The following CCDC27 variants were observed in gnomAD, a reference collection of about 807,000 sequenced individuals.
CCDC27 encodes coiled-coil domain-containing protein 27.
CCDC27 carries 80 observed loss-of-function variants against 80.3 expected under a neutral mutation model. The ratio of observed to expected loss-of-function variants is 1.00; its 90% CI spans 0.83 to 1.20. CCDC27 has a LOEUF of 1.20. Ranked by LOEUF, CCDC27 falls within the 50% of genes most tolerant of loss-of-function variation. The pLI, the probability that CCDC27 is intolerant of heterozygous loss-of-function variation, is 0.00. For missense variants in CCDC27, 815 were observed against 809.4 expected, an observed-to-expected ratio of 1.01 and a Z score of -0.08; for synonymous variants, 342 against 334.3, an observed-to-expected ratio of 1.02 and a Z score of -0.25.
rs748892044 is a variant in CCDC27 at position 3,756,885 on chromosome 1, G to A, written c.706G>A (p.Glu236Lys). 1.5e-5 allele frequency: 24 copies of A among 1,611,958 alleles called. No homozygotes were observed. Among genetic ancestry groups the A allele is most frequent in the Non-Finnish European group, 1.8e-5 (21 of 1,179,190 alleles). The change falls in exon 4 of 12, where the codon GAG becomes AAG. Residue 236 changes from glutamate to lysine, a missense_variant. By Grantham distance (56) the Glu-to-Lys change is moderately conservative (BLOSUM62 1). Transcript: ENST00000294600. ...RMPWYLSVIH[E>K]KDHCLSELEI... ...GCCCTGGTACCTCTCAGTCATCCAC[G>A]AGAAGGTACTGGCGGAGGGGGTGCA...
In CCDC27 at chr1:3,754,134, C is replaced by T; in HGVS notation, c.335C>T (p.Ala112Val). The change falls in exon 2 of 12, where the codon GCC (alanine) becomes GTC (valine). Residue 112 changes from alanine to valine, a missense_variant. Physicochemically the swap from Ala to Val is moderately conservative, Grantham distance 64 (BLOSUM62 0). Coordinates refer to ENST00000294600, the MANE Select transcript of CCDC27 (RefSeq NM_152492.3). ...YYRKTSEPKD[A>V]ASLTGFMSKM... ...CTCTGCCAGAGTGAACCCAAGGATG[C>T]CGCCAGCCTCACCGGCTTCATGTCC... 7 of 1,613,450 alleles carry T rather than the reference C, an allele frequency of 4.3e-6. No individual in the cohort carries two copies. Among genetic ancestry groups the T allele is most frequent in the Non-Finnish European group, 5.9e-6 (7 of 1,179,754 alleles).
rs765124033 is a variant in CCDC27, at chr1:3,763,276, G to A, written c.1123G>A (p.Glu375Lys). Residue 375 changes from glutamate to lysine, a missense_variant, in exon 7 of 12, where the codon GAG becomes AAG. Coordinates refer to ENST00000294600, the MANE Select transcript of CCDC27 (RefSeq NM_152492.3). This position sits in a 1 kb window ranked among gnomAD's most constrained non-coding sequence, Gnocchi z 7.5. The stretch of plus-strand genomic sequence containing the variant: ...TGAGGAGGGAAGCGAGGAGGAGGAA[G>A]AGGAGGAAGGGGACAGGGATGAGGA... ...VHEEGSEEEE[E>K]EEGDRDEDSE... The A allele has an allele frequency of 1.3e-6, 2 of 1,591,280 alleles. No homozygotes were observed. The highest frequency in any genetic ancestry group is 2.3e-5 in the East Asian group (1 of 44,040).
rs1642932905 is a variant in CCDC27, at chr1:3,755,569, T to C, written c.553+2T>C. On this transcript the variant is annotated splice_donor_variant, in intron 3 of 11. Transcript: ENST00000294600. LOFTEE classifies it high-confidence loss of function. ...GGGGCTCAGACACGAACGTGGACGG[T>C]GAGGGAGCCCCTAGGGCCTCTGCCT... is the stretch of plus-strand genomic sequence containing the variant. The C allele has an allele frequency of 6.2e-7, 1 of 1,612,698 alleles. No homozygotes were observed. Among genetic ancestry groups the C allele is most frequent in the Non-Finnish European group, 8.5e-7 (1 of 1,179,028 alleles).
chr1:3,769,983 T>C lies in CCDC27; in HGVS notation c.1848+96T>C. 2.3e-6 allele frequency: 2 copies of C among 858,762 alleles called. No homozygotes were observed. Among genetic ancestry groups the C allele is most frequent in the Non-Finnish European group, 4.0e-6 (2 of 502,404 alleles). The allele number at this position is 858,762 out of a possible 1,614,324, so 53.2% of individuals were successfully genotyped here. A position where few individuals can be genotyped will look rare whatever the true frequency, so the allele number is the denominator to read the frequency against. ...TGGGGGGCCTAGATTCCAGGGACTC[T>C]GTTCTCATCCTACCTGTGTCACCTA... On this transcript the variant is annotated intron_variant, in intron 11 of 11. Coordinates refer to ENST00000294600, the MANE Select transcript of CCDC27 (RefSeq NM_152492.3). This position sits in a 1 kb window ranked among gnomAD's most constrained non-coding sequence, Gnocchi z 4.6.
intron 11 of CCDC27, 108 bp from the exon 12 acceptor site, chr1:3,771,293 G>C: frequency 7.3e-7 from 1 of 1,374,184 alleles, no homozygotes; most frequent in South Asian, 1.3e-5. Flanking sequence ...CTCTGGAGGA[G>C]GAGGAGAGGG....
rs1471057139 is a variant in CCDC27, at chr1:3,757,985, G to A, written c.711+1095G>A. On this transcript the variant is annotated intron_variant, in intron 4 of 11. Transcript: ENST00000294600. ...GCCCAGGCAGGTCTCGAACTCCTGGGCTCAAGTGATCCACTCGCCTTGGCC... is the reference window on the plus strand; with the variant it reads ...GCCCAGGCAGGTCTCGAACTCCTGGACTCAAGTGATCCACTCGCCTTGGCC... 2.0e-5 allele frequency among the ~76,000 whole-genome samples: 3 copies of A among 151,988 alleles called. No homozygotes were observed. The East Asian group carries it at 5.8e-4, about 30-fold the overall frequency.
Position 3,769,679 on chromosome 1 carries a change from G to A in CCDC27, c.1744-104G>A. The stretch of plus-strand genomic sequence containing the variant: ...AAGCCATGAAAAGTGAGGGTGAGCT[G>A]TTCCTTCCTGGTACATAAAAAATAA... On this transcript the variant is annotated intron_variant, in intron 10 of 11. Transcript: ENST00000294600. This position sits in a 1 kb window ranked among gnomAD's most constrained non-coding sequence, Gnocchi z 4.6. 1.3e-6 allele frequency: 1 copy of A among 782,338 alleles called. No individual in the cohort carries two copies. The highest frequency in any genetic ancestry group is 1.7e-5 in the African/African-American group (1 of 59,210). 48.5% of individuals were successfully genotyped at this position (782,338 alleles called of 1,614,324 possible).
chr1:3,759,565 C>A (rs924994838), intron 4 of CCDC27, among the ~76,000 whole-genome samples: 2 of 152,170 alleles, frequency 1.3e-5, no homozygotes, highest in Non-Finnish European at 2.9e-5. Context: ...TCTTTCTCTG[C>A]ATTCTTTTGA....
At chr1:3,767,142 G>A (rs1335582503) in intron 9 of CCDC27, 91 bp from the exon 10 acceptor site, 23 of 1,225,650 alleles carry the variant, frequency 1.9e-5, no homozygotes, top group Admixed American at 8.0e-5. Context: ...CCTGGCCGCC[G>A]GCCATCTTTT....
At chr1:3,755,892 C>T (rs369794416) in intron 3 of CCDC27, 20 of 285,414 alleles carry the variant, frequency 7.0e-5, no homozygotes, top group African/African-American at 1.3e-4. Flanking sequence ...ACACTGCTCC[C>T]GCAGACAGGT....
At chr1:3,764,799 G>C (rs1045185454) in intron 8 of CCDC27, among the ~76,000 whole-genome samples, 11 of 152,260 alleles carry the variant, frequency 7.2e-5, no homozygotes, top group Non-Finnish European at 1.5e-4. Flanking sequence ...ACTTTGGGAG[G>C]CTGAGGCAGG....
At chr1:3,767,506 C>T in intron 10 of CCDC27, 61 bp downstream of exon 10, 1 of 1,448,512 alleles carries the variant, frequency 6.9e-7, no homozygotes, top group South Asian at 1.3e-5. Context: ...GCACCCAGGC[C>T]TCTGCCCACC....
In CCDC27 at chr1:3,754,173, G is replaced by A. The variant is rs370107628; in HGVS notation, c.374G>A (p.Arg125Gln). ...LTGFMSKMEL[R>Q]RVFPTHPDCP... Reference sequence around the variant, plus strand: ...GGCTTCATGTCCAAAATGGAACTTCGAAGGGTCTTCCCCACGCATCCTGAC... The same window carrying A: ...GGCTTCATGTCCAAAATGGAACTTCAAAGGGTCTTCCCCACGCATCCTGAC... Residue 125 changes from arginine to glutamine, a missense_variant, in exon 2 of 12, where the codon CGA becomes CAA. Transcript: ENST00000294600. 1.4e-5 allele frequency: 23 copies of A among 1,613,654 alleles called. No homozygotes were observed. The African/African-American group carries it at 1.7e-4, about 12-fold the overall frequency.
chr1:3,771,573 G>A lies in CCDC27; in HGVS notation c.*50G>A. ...TCAGCCCAGCAGAGGCCGGGGCCCA[G>A]CTCCAGAACCACCCGCCCCCACCAT... On this transcript the variant is annotated 3_prime_UTR_variant, in exon 12 of 12. Coordinates refer to ENST00000294600, the MANE Select transcript of CCDC27 (RefSeq NM_152492.3). 6.2e-7 allele frequency: 1 copy of A among 1,600,042 alleles called. No homozygotes were observed.
At chr1:3,757,577 G>A (rs1011714604) in intron 4 of CCDC27, among the ~76,000 whole-genome samples, 2 of 151,870 alleles carry the variant, frequency 1.3e-5, no homozygotes, top group African/African-American at 4.8e-5. Context: ...AAGCAGCTGG[G>A]ACTACAGGTG....
chr1:3,763,724 A>C lies in CCDC27; in HGVS notation c.1340A>C (p.Gln447Pro). Residue 447 changes from glutamine to proline, a missense_variant, in exon 8 of 12, where the codon CAA (glutamine) becomes CCA (proline). Coordinates refer to ENST00000294600, the MANE Select transcript of CCDC27 (RefSeq NM_152492.3). The surrounding 1 kb of genome is among the most constrained non-coding windows in gnomAD (Gnocchi z 7.5). ...TGCCCAGGAGTGATTGCGTCTTTAC[A>C]ACAACAAGTGGATTTCCAAGAAACC... The part of the protein sequence containing the change: ...SLATGVIASL[Q>P]QQVDFQETQL... 1 of 1,613,636 alleles carries C rather than the reference A, an allele frequency of 6.2e-7. No individual in the cohort carries two copies. The highest frequency in any genetic ancestry group is 8.5e-7 in the Non-Finnish European group (1 of 1,179,730).
Position 3,768,082 on chromosome 1 carries a change from G to T in CCDC27, c.1743+637G>T, listed in dbSNP as rs561529375. Among the ~76,000 whole-genome samples, 1 of 149,886 alleles carries T rather than the reference G, an allele frequency of 6.7e-6. No individual in the cohort carries two copies. The highest frequency in any genetic ancestry group is 1.5e-5 in the Non-Finnish European group (1 of 67,596). The stretch of plus-strand genomic sequence containing the variant: ...ATGCCAAAAAGGAAATCAATAAAGA[G>T]CTGACCTTTTTTTTTTTTTTTTTTT... On this transcript the variant is annotated intron_variant, in intron 10 of 11. Coordinates refer to ENST00000294600, the MANE Select transcript of CCDC27 (RefSeq NM_152492.3). The surrounding 1 kb of genome is among the most constrained non-coding windows in gnomAD (Gnocchi z 5.6).
Position 3,769,682 on chromosome 1 carries a change from C to T in CCDC27, c.1744-101C>T, listed in dbSNP as rs1643312277. On this transcript the variant is annotated intron_variant, in intron 10 of 11. Coordinates refer to ENST00000294600, the MANE Select transcript of CCDC27 (RefSeq NM_152492.3). This position sits in a 1 kb window ranked among gnomAD's most constrained non-coding sequence, Gnocchi z 4.6. Reference sequence around the variant, plus strand: ...CCATGAAAAGTGAGGGTGAGCTGTTCCTTCCTGGTACATAAAAAATAAGGT... The same window carrying T: ...CCATGAAAAGTGAGGGTGAGCTGTTTCTTCCTGGTACATAAAAAATAAGGT... The T allele has an allele frequency of 2.4e-5, 19 of 793,204 alleles. No homozygotes were observed. Among genetic ancestry groups the T allele is most frequent in the Non-Finnish European group, 4.1e-5 (18 of 443,578 alleles). The allele number at this position is 793,204 out of a possible 1,614,324, so 49.1% of individuals were successfully genotyped here. A position where few individuals can be genotyped will look rare whatever the true frequency, so the allele number is the denominator to read the frequency against.
Position 3,761,290 on chromosome 1 carries a change from C to G in CCDC27, c.721C>G (p.Leu241Val). 1 of 1,613,942 alleles carries G rather than the reference C, an allele frequency of 6.2e-7. No homozygotes were observed. Among genetic ancestry groups the G allele is most frequent in the Non-Finnish European group, 8.5e-7 (1 of 1,179,910 alleles). ...LSVIHEKDHC[L>V]SELEIQVQKK... is the part of the protein sequence containing the mutation. Reference sequence around the variant, plus strand: ...TTGGTTTTCTGCCCAGGATCACTGCCTGTCTGAGCTGGAGATACAGGTTCA... The same window carrying G: ...TTGGTTTTCTGCCCAGGATCACTGCGTGTCTGAGCTGGAGATACAGGTTCA... Residue 241 changes from leucine to valine, a missense_variant, in exon 5 of 12, where the codon CTG (leucine) becomes GTG (valine). Coordinates refer to ENST00000294600, the MANE Select transcript of CCDC27 (RefSeq NM_152492.3). This position sits in a 1 kb window ranked among gnomAD's most constrained non-coding sequence, Gnocchi z 5.0.
Sources: allele counts gnomAD v4.1 joint callset (sites outside exome capture counted in the v4.1 genomes callset), GRCh38; gene constraint gnomAD v4.1.1; non-coding constraint Gnocchi (gnomAD v3.1); transcripts MANE v1.5; gene names NCBI Gene and HGNC (gene_info 2026-07-23, HGNC 2026-07-21).